Variants in RTN3 observed in about 807,000 individuals in gnomAD.
RTN3 encodes the protein reticulon-3.
Under a neutral mutation model 77.8 loss-of-function variants are expected in RTN3, and 49 were observed. That is an observed-to-expected ratio of 0.63 (90% confidence interval 0.50 to 0.80). The LOEUF is 0.80. Ranked by LOEUF, RTN3 falls within the 30% of genes least tolerant of loss-of-function variation. The pLI is 0.00. For missense variants in RTN3, 1,236 were observed against 1,211.9 expected (o/e 1.02, Z -0.29); for synonymous variants, 464 against 446.9 (o/e 1.04, Z -0.48).
chr11:63,727,149 T>TG (rs1405563290), intron 3 of RTN3, among the ~76,000 whole-genome samples: 1 of 152,004 alleles, frequency 6.6e-6, no homozygotes, highest in African/African-American at 2.4e-5. Context: ...GACTCTATCT[T>TG]GAAAAAAAAA....
In RTN3 at chr11:63,721,340, C is replaced by T. The variant is rs535275122; in HGVS notation, c.2530+308C>T. 4.6e-5 allele frequency among the ~76,000 whole-genome samples: 7 copies of T among 152,090 alleles called. No homozygotes were observed. In the East Asian group the frequency reaches 7.7e-4, roughly 17 times the overall value. On this transcript the variant is annotated intron_variant, in intron 3 of 8. Transcript: ENST00000377819. ...CTATAATCCCAGCACTTTGGGAGGCCGAGACGGGCGGATCACAAGGTCAGG... is the reference window on the plus strand; with the variant it reads ...CTATAATCCCAGCACTTTGGGAGGCTGAGACGGGCGGATCACAAGGTCAGG...
At position 63,720,598 on chromosome 11, in the gene RTN3, G is replaced by T; in HGVS notation, c.2096G>T (p.Gly699Val). ...GAAGTCTTACATGAAAATGAGTCCG[G>T]TGGTTCTGAAATTAAAGACATTGGA... ...PVEVLHENES[G>V]GSEIKDIGSK... The change falls in exon 3 of 9, where the codon GGT (glycine) becomes GTT (valine). Residue 699 changes from glycine to valine, a missense_variant. By Grantham distance (109) the Gly-to-Val change is moderately radical (BLOSUM62 -3). This residue lies in a region of RTN3 where 1,056 missense variants were observed against 990.4 expected (regional missense o/e 1.07). Transcript: ENST00000377819. 6.2e-7 allele frequency: 1 copy of T among 1,613,966 alleles called. No homozygotes were observed. Among genetic ancestry groups the T allele is most frequent in the Non-Finnish European group, 8.5e-7 (1 of 1,180,002 alleles).
At chr11:63,704,580 G>C (rs1942404316) in intron 1 of RTN3, among the ~76,000 whole-genome samples, 1 of 151,806 alleles carries the variant, frequency 6.6e-6, no homozygotes, top group Non-Finnish European at 1.5e-5. Flanking sequence ...AAAATGCTAG[G>C]GGTTCCTCTT....
chr11:63,684,880 C>T (rs1941283516), intron 1 of RTN3, among the ~76,000 whole-genome samples: 1 of 151,996 alleles, frequency 6.6e-6, no homozygotes. Flanking sequence ...CCACCTTAGC[C>T]TCCTGAGTAG....
intron 3 of RTN3, among the ~76,000 whole-genome samples, chr11:63,729,429 G>A (rs931400799): frequency 5.2e-5 from 7 of 133,776 alleles, no homozygotes; most frequent in Non-Finnish European, 9.4e-5. Flanking sequence ...TATAGCAAAG[G>A]TTTCTGCTTT....
intron 3 of RTN3, chr11:63,747,053 C>T (rs905078640): frequency 2.2e-6 from 1 of 455,506 alleles, no homozygotes; most frequent in African/African-American, 2.0e-5. Flanking sequence ...CTCTTTCACA[C>T]CACTGACATT....
intron 3 of RTN3, among the ~76,000 whole-genome samples, chr11:63,739,262 A>G (rs1228492789): frequency 1.3e-5 from 2 of 152,204 alleles, no homozygotes; most frequent in African/African-American, 4.8e-5. Flanking sequence ...TTTAAATGAA[A>G]AAAAATTAAG....
chr11:63,759,163 A>C lies in RTN3; in HGVS notation c.*962A>C, dbSNP rs892229009. 1 of 152,234 alleles carries C rather than the reference A, an allele frequency of 6.6e-6. No individual in the cohort carries two copies. The highest frequency in any genetic ancestry group is 2.4e-5 in the African/African-American group (1 of 41,456). The allele number at this position is 152,234 out of a possible 1,614,324, so 9.4% of individuals were successfully genotyped here. ...TGATCCTATCTCAGTCTGGGGGGGA[A>C]CATTCTCAAGAGGTGAAATACAGAA... On this transcript the variant is annotated 3_prime_UTR_variant, in exon 9 of 9. Coordinates refer to ENST00000377819, the MANE Select transcript of RTN3 (RefSeq NM_001265589.2).
At chr11:63,711,932 A>G (rs1474892534) in intron 2 of RTN3, among the ~76,000 whole-genome samples, 2 of 152,166 alleles carry the variant, frequency 1.3e-5, no homozygotes, top group East Asian at 3.8e-4. Flanking sequence ...CCTGGGCTCA[A>G]GCAATCCTCC....
At chr11:63,711,855 C>T (rs938137347) in intron 2 of RTN3, among the ~76,000 whole-genome samples, 15 of 152,004 alleles carry the variant, frequency 9.9e-5, no homozygotes, top group African/African-American at 2.7e-4. Flanking sequence ...TGAGCCACCG[C>T]GCTGGGCCCT....
At chr11:63,688,004 G>A (rs7928900) in intron 1 of RTN3, among the ~76,000 whole-genome samples, 3 of 152,090 alleles carry the variant, frequency 2.0e-5, no homozygotes, top group Non-Finnish European at 4.4e-5. Flanking sequence ...GAGGTAGAGG[G>A]AGGAGTCAAG....
At chr11:63,757,508 G>A (rs1282504917) in intron 8 of RTN3, among the ~76,000 whole-genome samples, 3 of 151,868 alleles carry the variant, frequency 2.0e-5, no homozygotes, top group Non-Finnish European at 1.5e-5. Flanking sequence ...CTACAGGCAT[G>A]TGCCATGCCC....
chr11:63,733,343 C>T (rs752318147), intron 3 of RTN3, among the ~76,000 whole-genome samples: 5 of 151,976 alleles, frequency 3.3e-5, no homozygotes, highest in Non-Finnish European at 7.4e-5. Flanking sequence ...CAAAAAATTA[C>T]CCGGGCGTGG....
chr11:63,685,249 C>T (rs1214694357), intron 1 of RTN3, among the ~76,000 whole-genome samples: 6 of 151,818 alleles, frequency 4.0e-5, no homozygotes, highest in African/African-American at 1.2e-4. Flanking sequence ...AATCCCAACA[C>T]TTTGGGAGGC....
intron 3 of RTN3, among the ~76,000 whole-genome samples, chr11:63,726,932 G>A (rs934473839): frequency 3.4e-5 from 5 of 148,762 alleles, no homozygotes; most frequent in African/African-American, 1.2e-4. Flanking sequence ...GCTCATGCCT[G>A]TAATCCCAGT....
chr11:63,686,490 A>G (rs1036589269), intron 1 of RTN3, among the ~76,000 whole-genome samples: 5 of 125,356 alleles, frequency 4.0e-5, no homozygotes, highest in Non-Finnish European at 8.7e-5. Flanking sequence ...AAAAAAAAAA[A>G]GAACAAATTC....
At chr11:63,745,929 A>G (rs550810145) in intron 3 of RTN3, among the ~76,000 whole-genome samples, 1 of 152,056 alleles carries the variant, frequency 6.6e-6, no homozygotes, top group Non-Finnish European at 1.5e-5. Context: ...TCCTGCCTCA[A>G]CCTTCCGAGT....
chr11:63,732,255 C>T (rs981894351), intron 3 of RTN3, among the ~76,000 whole-genome samples: 12 of 151,988 alleles, frequency 7.9e-5, no homozygotes, highest in Non-Finnish European at 1.5e-4. Flanking sequence ...AACTCCTGGG[C>T]TTCAGCGATC....
chr11:63,755,573 C>T (rs2014330880), intron 7 of RTN3, among the ~76,000 whole-genome samples: 1 of 148,842 alleles, frequency 6.7e-6, no homozygotes, highest in East Asian at 2.0e-4. Context: ...ATTGCTTAAA[C>T]CCGGGAGGTG....
Sources: gnomAD v4.1 joint callset for allele counts (sites outside exome capture counted in the v4.1 genomes callset) on GRCh38, gnomAD v4.1.1 for gene constraint, gnomAD v4.1.1 regional missense constraint, MANE v1.5 for transcripts, NCBI Gene and HGNC (gene_info 2026-07-23, HGNC 2026-07-21) for gene names.